The following UXS1 variants were observed in gnomAD, a reference collection of about 807,000 sequenced individuals.
UXS1 encodes UDP-glucuronate decarboxylase 1.
Under a neutral mutation model 62.6 loss-of-function variants are expected in UXS1, and 33 were observed. The ratio of observed to expected loss-of-function variants is 0.53; its 90% CI spans 0.40 to 0.70. The LOEUF (loss-of-function observed/expected upper bound fraction) is 0.70, where lower values mean the gene tolerates loss of function less well. Among genes scored for constraint, UXS1 ranks in the 30% least tolerant of loss-of-function variants. The pLI is 0.00. For synonymous variants in UXS1, 213 were observed against 206.8 expected, an observed-to-expected ratio of 1.03 and a Z score of -0.26; for missense variants, 434 against 556.3, an observed-to-expected ratio of 0.78 and a Z score of 2.21.
chr2:106,117,162 G>A (rs956639616), intron 9 of UXS1, among the ~76,000 whole-genome samples: 1 of 152,224 alleles, frequency 6.6e-6, no homozygotes, highest in Admixed American at 6.5e-5. Context: ...CCCAGTGTGA[G>A]TGAGTACGCC....
chr2:106,120,148 T>C (rs1183304182), intron 9 of UXS1, among the ~76,000 whole-genome samples: 2 of 152,200 alleles, frequency 1.3e-5, no homozygotes, highest in Non-Finnish European at 1.5e-5. Flanking sequence ...CTTGGACCCA[T>C]GGCTCTTCCT....
chr2:106,137,381 G>T (rs568336239), intron 6 of UXS1, among the ~76,000 whole-genome samples: 1 of 152,248 alleles, frequency 6.6e-6, no homozygotes, highest in African/African-American at 2.4e-5. Context: ...CAAGCTCCAG[G>T]GCTGCAGGTA....
chr2:106,100,716 G>T, intron 12 of UXS1: 2 of 209,838 alleles, frequency 9.5e-6, no homozygotes, highest in Non-Finnish European at 9.5e-6. Context: ...TTCTAAAAAT[G>T]CAATCAGGCC....
At chr2:106,190,117 CAA>C (rs931044188) in intron 1 of UXS1, among the ~76,000 whole-genome samples, 12 of 152,158 alleles carry the variant, frequency 7.9e-5, no homozygotes, top group African/African-American at 2.9e-4. Flanking sequence ...AGACAACTGG[CAA>C]AGAGTTTGGA....
intron 6 of UXS1, among the ~76,000 whole-genome samples, chr2:106,140,117 T>C (rs1406018937): frequency 6.6e-6 from 1 of 152,204 alleles, no homozygotes; most frequent in Non-Finnish European, 1.5e-5. Flanking sequence ...ACAGCAAGAT[T>C]TTCCCTTCAT....
chr2:106,173,761 T>C (rs1683707367), intron 1 of UXS1, among the ~76,000 whole-genome samples: 1 of 152,270 alleles, frequency 6.6e-6, no homozygotes, highest in Non-Finnish European at 1.5e-5. Context: ...TTTCAGGTGC[T>C]GTGAACTAGT....
At position 106,112,775 on chromosome 2, in the gene UXS1, A is replaced by C; in HGVS notation, c.760-10T>G. ...GCACTTCCACGCCTTCCTGGAACAG[A>C]GAGAAGAGGAGGTCAGGTGTGCTCC... On this transcript the variant is annotated splice_polypyrimidine_tract_variant and intron_variant, in intron 9 of 14. Coordinates refer to ENST00000283148, the MANE Select transcript of UXS1 (RefSeq NM_001253875.2). 1 of 1,612,462 alleles carries C rather than the reference A, an allele frequency of 6.2e-7. No individual in the cohort carries two copies. The highest frequency in any genetic ancestry group is 2.2e-5 in the East Asian group (1 of 44,848).
intron 5 of UXS1, among the ~76,000 whole-genome samples, 180 bp downstream of exon 5, chr2:106,157,878 C>G (rs1407073648): frequency 6.6e-6 from 1 of 152,116 alleles, no homozygotes; most frequent in Admixed American, 6.5e-5. Flanking sequence ...GAGTACAGGA[C>G]TCTTTTTTGG....
intron 6 of UXS1, chr2:106,138,069 G>A: frequency 3.4e-6 from 2 of 596,794 alleles, no homozygotes; most frequent in South Asian, 7.4e-5. Context: ...AAGGTATGCA[G>A]GGAAAGACAG....
chr2:106,118,710 G>T (rs1679267579), intron 9 of UXS1, among the ~76,000 whole-genome samples: 1 of 152,114 alleles, frequency 6.6e-6, no homozygotes, highest in Admixed American at 6.5e-5. Flanking sequence ...ATTCTATTTT[G>T]ACTACATTAG....
intron 11 of UXS1, among the ~76,000 whole-genome samples, chr2:106,103,453 G>A (rs1402294040): frequency 1.3e-5 from 2 of 152,186 alleles, no homozygotes; most frequent in Non-Finnish European, 2.9e-5. Flanking sequence ...GAGTGGAGGA[G>A]GATGGGATAA....
At chr2:106,106,174 G>A (rs937240264) in intron 10 of UXS1, among the ~76,000 whole-genome samples, 14 of 152,166 alleles carry the variant, frequency 9.2e-5, no homozygotes, top group African/African-American at 3.4e-4. Context: ...ACACCAGCCT[G>A]ACCAACATGG....
chr2:106,108,788 G>A lies in UXS1; in HGVS notation c.879+3858C>T, dbSNP rs571487695. Reference sequence around the variant, plus strand: ...TGATCACTTAGCAATGTCCCCAGCCGCTGTGCTTTATGTGTTTAAGATGTA... The same window carrying A: ...TGATCACTTAGCAATGTCCCCAGCCACTGTGCTTTATGTGTTTAAGATGTA... On this transcript the variant is annotated intron_variant, in intron 10 of 14. Transcript: ENST00000283148. Among the ~76,000 whole-genome samples the A allele has an allele frequency of 5.0e-4, 76 of 152,254 alleles. 1 individual carries two copies. The highest frequency in any genetic ancestry group is 1.6e-3 in the African/African-American group (66 of 41,550).
At chr2:106,131,177 C>T (rs1680435832) in intron 6 of UXS1, among the ~76,000 whole-genome samples, 1 of 149,998 alleles carries the variant, frequency 6.7e-6, no homozygotes, top group Non-Finnish European at 1.5e-5. Flanking sequence ...CACTCCCACC[C>T]GAATATTGCG....
chr2:106,106,762 G>A lies in UXS1; in HGVS notation c.880-1925C>T, dbSNP rs1395878531. Among the ~76,000 whole-genome samples, 3 of 152,206 alleles carry A rather than the reference G, an allele frequency of 2.0e-5. No individual in the cohort carries two copies. The South Asian group carries it at 6.2e-4, about 31-fold the overall frequency. On this transcript the variant is annotated intron_variant, in intron 10 of 14. Coordinates refer to ENST00000283148, the MANE Select transcript of UXS1 (RefSeq NM_001253875.2). Reference sequence around the variant, plus strand: ...CAGTGGGCCTGAGTTGGTAGGACAGGAGGTCCACCCACTGCCAGCTCCCTC... The same window carrying A: ...CAGTGGGCCTGAGTTGGTAGGACAGAAGGTCCACCCACTGCCAGCTCCCTC...
intron 5 of UXS1, among the ~76,000 whole-genome samples, chr2:106,156,398 G>C (rs568407703): frequency 2.0e-5 from 3 of 152,274 alleles, no homozygotes; most frequent in Admixed American, 2.0e-4. Flanking sequence ...AAGTGGCGTT[G>C]AGGATGTAGA....
chr2:106,182,873 G>A (rs573544192), intron 1 of UXS1, among the ~76,000 whole-genome samples: 2 of 152,324 alleles, frequency 1.3e-5, no homozygotes, highest in South Asian at 2.1e-4. Context: ...GGCAGAGAGC[G>A]CTTCCGTTGG....
chr2:106,184,394 T>A (rs1684433308), intron 1 of UXS1, among the ~76,000 whole-genome samples: 1 of 152,250 alleles, frequency 6.6e-6, no homozygotes, highest in African/African-American at 2.4e-5. Context: ...CATATCTATT[T>A]GTGAAAGCTC....
chr2:106,182,096 C>T (rs1008575327), intron 1 of UXS1, among the ~76,000 whole-genome samples: 38 of 152,286 alleles, frequency 2.5e-4, no homozygotes, highest in African/African-American at 9.1e-4. Context: ...TGGAAATACA[C>T]TTCACAAAAG....
Sources: allele counts gnomAD v4.1 joint callset (sites outside exome capture counted in the v4.1 genomes callset), GRCh38; gene constraint gnomAD v4.1.1; transcripts MANE v1.5; gene names NCBI Gene and HGNC (gene_info 2026-07-23, HGNC 2026-07-21).